Variants in TYW1B observed in about 807,000 individuals in gnomAD.
TYW1B encodes S-adenosyl-L-methionine-dependent tRNA 4-demethylwyosine synthase TYW1B.
In TYW1B, 73 loss-of-function variants were observed where a neutral mutation model predicts 86.9. The observed-to-expected ratio is 0.84, with a 90% CI of 0.70 to 1.02. TYW1B has a LOEUF of 1.02. Among genes scored for constraint, TYW1B ranks in the 50% least tolerant of loss-of-function variants. The pLI is 0.00. For synonymous variants in TYW1B, 248 were observed against 292.8 expected, an observed-to-expected ratio of 0.85 and a Z score of 1.56; for missense variants, 637 against 827.4, an observed-to-expected ratio of 0.77 and a Z score of 2.82.
At chr7:72,815,753 A>G (rs544435807) in intron 2 of TYW1B, among the ~76,000 whole-genome samples, 1 of 152,258 alleles carries the variant, frequency 6.6e-6, no homozygotes, top group East Asian at 1.9e-4. Flanking sequence ...TAGAATAAAC[A>G]TATCAGCCAG....
chr7:72,693,434 G>A (rs1387627633), intron 11 of TYW1B, among the ~76,000 whole-genome samples: 1 of 134,218 alleles, frequency 7.5e-6, no homozygotes. Context: ...TTTTTAGATA[G>A]GGGTCTCACT....
Position 72,713,618 on chromosome 7 carries a change from C to T in TYW1B, c.1370+3G>A. 1 of 1,612,192 alleles carries T rather than the reference C, an allele frequency of 6.2e-7. No individual in the cohort carries two copies. The highest frequency in any genetic ancestry group is 8.5e-7 in the Non-Finnish European group (1 of 1,179,102). On this transcript the variant is annotated splice_donor_region_variant and intron_variant, in intron 10 of 13. Coordinates refer to ENST00000620995, the MANE Select transcript of TYW1B (RefSeq NM_001145440.3). ...GCATCTCTCCATAGGCTGGAGAACT[C>T]ACCTGATTTCCGCAGGAAATTGTGC... is the stretch of plus-strand genomic sequence containing the variant.
At chr7:72,671,607 T>C (rs1275163927) in intron 11 of TYW1B, among the ~76,000 whole-genome samples, 2 of 152,328 alleles carry the variant, frequency 1.3e-5, no homozygotes, top group Non-Finnish European at 2.9e-5. Context: ...GAGTACTTAC[T>C]TCTTCACTAA....
chr7:72,632,285 GTATATA>G (rs1239640717), intron 11 of TYW1B, among the ~76,000 whole-genome samples: 2 of 83,544 alleles, frequency 2.4e-5, no homozygotes, highest in Non-Finnish European at 4.1e-5. Context: ...ATATATACGT[GTATATA>G]TATATATACG....
rs1479927481 is a variant in TYW1B, at chr7:72,632,379, T to C, written c.1507-3382A>G. 4.6e-5 allele frequency among the ~76,000 whole-genome samples: 5 copies of C among 107,964 alleles called. 1 individual carries two copies. The highest frequency in any genetic ancestry group is 9.6e-5 in the African/African-American group (2 of 20,926). The allele number at this position is 107,964 out of a possible 152,430, so 70.8% of individuals were successfully genotyped here. ...ATTATATATATACGCATATATATTA[T>C]ATATATACGTATATATATATAATAT... is the stretch of plus-strand genomic sequence containing the variant. On this transcript the variant is annotated intron_variant, in intron 11 of 13. Transcript: ENST00000620995.
At chr7:72,665,354 A>C (rs1329504100) in intron 11 of TYW1B, among the ~76,000 whole-genome samples, 1 of 152,212 alleles carries the variant, frequency 6.6e-6, no homozygotes, top group Non-Finnish European at 1.5e-5. Flanking sequence ...AGAAGACAGG[A>C]ATCTGAGTCT....
intron 13 of TYW1B, among the ~76,000 whole-genome samples, chr7:72,603,225 A>G (rs1811714657): frequency 6.6e-6 from 1 of 151,290 alleles, no homozygotes; most frequent in Non-Finnish European, 1.5e-5. Context: ...ACAGATAGAC[A>G]CAGACAGATG....
At chr7:72,726,362 T>C (rs782656821) in intron 9 of TYW1B, among the ~76,000 whole-genome samples, 1 of 139,920 alleles carries the variant, frequency 7.1e-6, no homozygotes, top group Admixed American at 7.1e-5. Context: ...TATTGACTAA[T>C]TTTTTTTGTT....
chr7:72,635,952 C>T (rs1812656540), intron 11 of TYW1B, among the ~76,000 whole-genome samples: 1 of 152,214 alleles, frequency 6.6e-6, no homozygotes, highest in Non-Finnish European at 1.5e-5. Context: ...ATGCGCAGCA[C>T]GGCTCAATTC....
intron 11 of TYW1B, among the ~76,000 whole-genome samples, chr7:72,659,851 G>A (rs1554444226): frequency 1.3e-5 from 2 of 152,214 alleles, no homozygotes; most frequent in Non-Finnish European, 2.9e-5. Flanking sequence ...CATTCAGGAG[G>A]ATGAACGAGG....
At chr7:72,626,990 G>C (rs1332427813) in intron 12 of TYW1B, among the ~76,000 whole-genome samples, 2 of 151,780 alleles carry the variant, frequency 1.3e-5, no homozygotes, top group Non-Finnish European at 2.9e-5. Context: ...TTGCTTGAAA[G>C]GCCTCATAAA....
At chr7:72,600,322 A>G (rs557628141) in intron 13 of TYW1B, among the ~76,000 whole-genome samples, 1 of 152,394 alleles carries the variant, frequency 6.6e-6, no homozygotes, top group Non-Finnish European at 1.5e-5. Context: ...TCCTCATGCA[A>G]GAAAGATAAA....
At chr7:72,806,295 G>A (rs577233786) in intron 5 of TYW1B, among the ~76,000 whole-genome samples, 13 of 148,024 alleles carry the variant, frequency 8.8e-5, no homozygotes, top group South Asian at 2.1e-4. Flanking sequence ...GAGTGCAGTC[G>A]CGTGATCTCA....
At chr7:72,797,809 C>T (rs1449647611) in intron 6 of TYW1B, among the ~76,000 whole-genome samples, 6 of 152,100 alleles carry the variant, frequency 3.9e-5, no homozygotes, top group Admixed American at 6.6e-5. Flanking sequence ...AGTAGGTAGC[C>T]GTGAGACTTC....
At chr7:72,808,266 C>T (rs2129572621) in intron 4 of TYW1B, among the ~76,000 whole-genome samples, 1 of 152,072 alleles carries the variant, frequency 6.6e-6, no homozygotes, top group Non-Finnish European at 1.5e-5. Flanking sequence ...GCCTGGGCAC[C>T]AAAGTAAAAC....
chr7:72,712,277 A>G (rs1786684006), intron 10 of TYW1B, among the ~76,000 whole-genome samples: 1 of 152,118 alleles, frequency 6.6e-6, no homozygotes, highest in Non-Finnish European at 1.5e-5. Context: ...CTTCTCCGCT[A>G]GCCTCTCAGA....
chr7:72,725,803 C>T (rs1356567431), intron 9 of TYW1B, among the ~76,000 whole-genome samples: 1 of 152,116 alleles, frequency 6.6e-6, no homozygotes, highest in African/African-American at 2.4e-5. Context: ...ACTCACCAAG[C>T]CTCCACAAAT....
intron 4 of TYW1B, 93 bp from the exon 5 acceptor site, chr7:72,807,449 C>T: frequency 6.7e-7 from 1 of 1,496,324 alleles, no homozygotes; most frequent in Non-Finnish European, 9.0e-7. Context: ...TTCTGGGGCC[C>T]CTGGTCATGG....
At chr7:72,686,829 A>G (rs4128101) in intron 11 of TYW1B, among the ~76,000 whole-genome samples, 121,728 of 151,890 alleles carry the variant, frequency 0.8, 49,292 homozygotes, top group Middle Eastern at 0.87. Context: ...AAAATCTCTG[A>G]ACCCTCTGCT....
Sources: gnomAD v4.1 joint callset for allele counts (sites outside exome capture counted in the v4.1 genomes callset) on GRCh38, gnomAD v4.1.1 for gene constraint, MANE v1.5 for transcripts, NCBI Gene and HGNC (gene_info 2026-07-23, HGNC 2026-07-21) for gene names.